Variants in ARHGAP8 observed in about 807,000 individuals in gnomAD.
The protein encoded by ARHGAP8 is Rho GTPase activating protein 8.
Under a neutral mutation model 46.1 loss-of-function variants are expected in ARHGAP8, and 62 were observed. The observed-to-expected ratio is 1.34, with a 90% CI of 1.10 to 1.66. The LOEUF is 1.66. Ranked by LOEUF, ARHGAP8 falls within the 40% of genes most tolerant of loss-of-function variation. ARHGAP8 has a pLI of 0.00. For missense variants in ARHGAP8, 923 were observed against 568.4 expected (o/e 1.62, Z -6.34); for synonymous variants, 375 against 243.1 (o/e 1.54, Z -5.05).
At chr22:44,755,639 T>C (rs1353713802) in intron 1 of ARHGAP8, among the ~76,000 whole-genome samples, 1 of 152,156 alleles carries the variant, frequency 6.6e-6, no homozygotes, top group Non-Finnish European at 1.5e-5. Flanking sequence ...TCTGGCAGCC[T>C]GTTGTGTCCA....
chr22:44,815,316 C>T lies in ARHGAP8; in HGVS notation c.386+558C>T, dbSNP rs568143596. On this transcript the variant is annotated intron_variant, in intron 5 of 11. Coordinates refer to ENST00000356099, the MANE Select transcript of ARHGAP8 (RefSeq NM_181335.3). ...GGTGCCCAGGGTTTTTGTTGCGGGT[C>T]AGTCATGTAGGCACGGAGCATCCAC... Among the ~76,000 whole-genome samples, 38 of 152,246 alleles carry T rather than the reference C, an allele frequency of 2.5e-4. 4 individuals carry two copies. In the South Asian group the frequency reaches 7.9e-3, roughly 32 times the overall value.
chr22:44,858,352 C>T (rs762701551), intron 10 of ARHGAP8, among the ~76,000 whole-genome samples: 1 of 145,512 alleles, frequency 6.9e-6, no homozygotes, highest in African/African-American at 2.5e-5. Flanking sequence ...TTGGTGAATA[C>T]TTGTTGGTTG....
intron 8 of ARHGAP8, among the ~76,000 whole-genome samples, chr22:44,847,613 G>A (rs5766095): frequency 0.05 from 7,607 of 152,264 alleles, 433 homozygotes; most frequent in East Asian, 0.3. Flanking sequence ...GGGCATCACC[G>A]TGTCCAGTCC....
intron 1 of ARHGAP8, among the ~76,000 whole-genome samples, chr22:44,760,953 A>G (rs1475536759): frequency 2.0e-5 from 3 of 152,280 alleles, no homozygotes; most frequent in East Asian, 1.9e-4. Flanking sequence ...GCGGACTCAC[A>G]TGCAGGGCGA....
chr22:44,784,599 C>A (rs5766003), intron 1 of ARHGAP8, among the ~76,000 whole-genome samples: 26 of 152,182 alleles, frequency 1.7e-4, no homozygotes, highest in Non-Finnish European at 3.4e-4. Flanking sequence ...GTCCTGGAAC[C>A]AATCCCTCCA....
At chr22:44,776,019 A>G (rs1839968968) in intron 1 of ARHGAP8, among the ~76,000 whole-genome samples, 1 of 152,086 alleles carries the variant, frequency 6.6e-6, no homozygotes, top group South Asian at 2.1e-4. Flanking sequence ...CTCCCAGGTA[A>G]GTCAGAAGCG....
intron 10 of ARHGAP8, among the ~76,000 whole-genome samples, chr22:44,852,254 T>G (rs890066014): frequency 6.9e-6 from 1 of 144,122 alleles, no homozygotes; most frequent in Non-Finnish European, 1.5e-5. Context: ...GGTGAAGACA[T>G]GGTTCAGCCC....
chr22:44,779,382 T>C (rs979739267), intron 1 of ARHGAP8, among the ~76,000 whole-genome samples: 4 of 151,676 alleles, frequency 2.6e-5, no homozygotes, highest in African/African-American at 7.3e-5. Flanking sequence ...ATTGCAAGCA[T>C]GAGCTACTGC....
intron 8 of ARHGAP8, among the ~76,000 whole-genome samples, chr22:44,847,274 A>C (rs898198597): frequency 7.2e-5 from 11 of 152,214 alleles, no homozygotes; most frequent in Admixed American, 7.2e-4. Flanking sequence ...GCCAATTACA[A>C]GCACTGAAAA....
chr22:44,853,799 G>A (rs1025990783), intron 10 of ARHGAP8, among the ~76,000 whole-genome samples: 9 of 151,984 alleles, frequency 5.9e-5, no homozygotes, highest in Admixed American at 3.3e-4. Context: ...AGACCAAGGC[G>A]GGTGGATCAC....
At chr22:44,782,462 C>A (rs1926912694) in intron 1 of ARHGAP8, among the ~76,000 whole-genome samples, 1 of 152,288 alleles carries the variant, frequency 6.6e-6, no homozygotes, top group East Asian at 1.9e-4. Flanking sequence ...TTTTCATCAC[C>A]CCAGTGGGAA....
At chr22:44,860,063 T>G (rs2070395093) in intron 11 of ARHGAP8, among the ~76,000 whole-genome samples, 1 of 151,810 alleles carries the variant, frequency 6.6e-6, no homozygotes, top group Non-Finnish European at 1.5e-5. Context: ...TGCCTGCTCC[T>G]GTACCTGCTG....
At position 44,847,983 on chromosome 22, in the gene ARHGAP8, C is replaced by G. The variant is rs142113633; in HGVS notation, c.681C>G (p.Thr227=). The change falls in exon 9 of 12, where the codon ACC becomes ACG. Residue 227 remains threonine, a synonymous_variant. Transcript: ENST00000356099. ...GCTCCTCTCCTGCAGGCCTGCGCACCGAGGGCCTGTTCCGGAGATCCGCCA... is the reference window on the plus strand; with the variant it reads ...GCTCCTCTCCTGCAGGCCTGCGCACGGAGGGCCTGTTCCGGAGATCCGCCA... The part of the protein sequence containing the change: ...VTYLREKGLR[T]EGLFRRSASV... 6.2e-7 allele frequency: 1 copy of G among 1,607,604 alleles called. No individual in the cohort carries two copies. Among genetic ancestry groups the G allele is most frequent in the Non-Finnish European group, 8.5e-7 (1 of 1,179,926 alleles).
At chr22:44,832,445 C>T (rs937990583) in intron 7 of ARHGAP8, among the ~76,000 whole-genome samples, 1 of 152,062 alleles carries the variant, frequency 6.6e-6, no homozygotes, top group Non-Finnish European at 1.5e-5. Context: ...AGGCTGGTCT[C>T]AAACTCCTGA....
chr22:44,759,492 G>T (rs1034739714), intron 1 of ARHGAP8, among the ~76,000 whole-genome samples: 1 of 152,196 alleles, frequency 6.6e-6, no homozygotes, highest in Non-Finnish European at 1.5e-5. Flanking sequence ...AGCTGCAAAG[G>T]TCTGGGGATA....
Position 44,802,205 on chromosome 22 carries a change from A to G in ARHGAP8, c.167+41A>G, listed in dbSNP as rs761105507. ...CCTCTCTTTCTGTCCCTGTCTCTCC[A>G]TGTTGCTTGTCCCCATCCCTTCACC... On this transcript the variant is annotated intron_variant, in intron 3 of 11. Coordinates refer to ENST00000356099, the MANE Select transcript of ARHGAP8 (RefSeq NM_181335.3). The G allele has an allele frequency of 3.1e-6, 5 of 1,609,604 alleles. No homozygotes were observed. In the East Asian group the frequency reaches 1.1e-4, roughly 36 times the overall value.
At chr22:44,753,441 G>A (rs1924409938) in intron 1 of ARHGAP8, among the ~76,000 whole-genome samples, 1 of 151,972 alleles carries the variant, frequency 6.6e-6, no homozygotes, top group African/African-American at 2.4e-5. Flanking sequence ...GGCTGGTCTC[G>A]ACCACCTGAC....
rs546420281 is a variant in ARHGAP8, at chr22:44,815,488, C to T, written c.386+730C>T. Among the ~76,000 whole-genome samples, 12 of 152,140 alleles carry T rather than the reference C, an allele frequency of 7.9e-5. 1 individual carries two copies. The South Asian group carries it at 8.3e-4, about 11-fold the overall frequency. ...CCGGTGGGCAAAGACATTACCAGGCCGACTCTCCCAGGAGCTGAGAGGTTT... is the reference window on the plus strand; with the variant it reads ...CCGGTGGGCAAAGACATTACCAGGCTGACTCTCCCAGGAGCTGAGAGGTTT... On this transcript the variant is annotated intron_variant, in intron 5 of 11. Transcript: ENST00000356099.
In ARHGAP8 at chr22:44,862,202, G is replaced by C. The variant is rs1601541395; in HGVS notation, c.982-73G>C. 6 of 1,519,812 alleles carry C rather than the reference G, an allele frequency of 3.9e-6. No homozygotes were observed. In the East Asian group the frequency reaches 9.1e-5, roughly 23 times the overall value. The allele number at this position is 1,519,812 out of a possible 1,614,324, so 94.1% of individuals were successfully genotyped here. ...TCACTACACCTACGCCTCTCCCTAA[G>C]TTCGGGAGGGAGTTCCAGGTGCCCG... On this transcript the variant is annotated intron_variant, in intron 11 of 11. Transcript: ENST00000356099.
Sources: allele counts gnomAD v4.1 joint callset (sites outside exome capture counted in the v4.1 genomes callset), GRCh38; gene constraint gnomAD v4.1.1; transcripts MANE v1.5; gene names NCBI Gene and HGNC (gene_info 2026-07-23, HGNC 2026-07-21).